The following SLC9C1 variants were observed in gnomAD, a reference collection of about 807,000 sequenced individuals.
The protein encoded by SLC9C1 is solute carrier family 9 member C1.
A neutral mutation model predicts 140.9 loss-of-function variants in SLC9C1; 97 were observed. The ratio of observed to expected loss-of-function variants is 0.69; its 90% CI spans 0.58 to 0.82. SLC9C1 has a LOEUF of 0.82. Ranked by LOEUF, SLC9C1 falls within the 40% of genes least tolerant of loss-of-function variation. The pLI, the probability that SLC9C1 is intolerant of heterozygous loss-of-function variation, is 0.00. For missense variants in SLC9C1, 1,340 were observed against 1,389.3 expected, an observed-to-expected ratio of 0.96 and a Z score of 0.56; for synonymous variants, 440 against 442.6, an observed-to-expected ratio of 0.99 and a Z score of 0.07.
At chr3:112,163,736 A>C (rs2075377474) in intron 26 of SLC9C1, among the ~76,000 whole-genome samples, 4 of 152,086 alleles carry the variant, frequency 2.6e-5, no homozygotes, top group South Asian at 4.1e-4. Flanking sequence ...TGCTGAAAAA[A>C]ATGTATATTC....
chr3:112,229,465 A>G (rs1560096950), intron 13 of SLC9C1, among the ~76,000 whole-genome samples: 1 of 152,104 alleles, frequency 6.6e-6, no homozygotes, highest in East Asian at 1.9e-4. Context: ...ATTATATGTC[A>G]ATTAAAACAA....
At chr3:112,230,076 T>C (rs2078781180) in intron 13 of SLC9C1, among the ~76,000 whole-genome samples, 1 of 152,176 alleles carries the variant, frequency 6.6e-6, no homozygotes, top group African/African-American at 2.4e-5. Flanking sequence ...AAAGAAGCCA[T>C]GGTTGGCTGT....
At chr3:112,166,220 G>C (rs1338257951) in intron 26 of SLC9C1, among the ~76,000 whole-genome samples, 2 of 152,222 alleles carry the variant, frequency 1.3e-5, no homozygotes, top group East Asian at 3.9e-4. Flanking sequence ...GTGCTTCCCA[G>C]GTGAGGCAAT....
chr3:112,266,207 G>T, intron 8 of SLC9C1, 31 bp downstream of exon 8: 1 of 1,439,612 alleles, frequency 6.9e-7, no homozygotes, highest in Non-Finnish European at 9.7e-7. Flanking sequence ...TCCAGTGTAT[G>T]AAATAAAGTC....
intron 26 of SLC9C1, among the ~76,000 whole-genome samples, chr3:112,156,827 T>A (rs915091236): frequency 2.0e-5 from 3 of 152,160 alleles, no homozygotes; most frequent in Non-Finnish European, 4.4e-5. Context: ...CATGTCTTCT[T>A]TTGATAAATG....
intron 13 of SLC9C1, among the ~76,000 whole-genome samples, chr3:112,226,853 G>T (rs1424656728): frequency 6.6e-6 from 1 of 151,908 alleles, no homozygotes; most frequent in Non-Finnish European, 1.5e-5. Flanking sequence ...ACTAAAATAA[G>T]TGAAATTGAC....
intron 7 of SLC9C1, among the ~76,000 whole-genome samples, chr3:112,267,925 T>C (rs964429496): frequency 5.3e-5 from 8 of 152,254 alleles, no homozygotes; most frequent in African/African-American, 1.9e-4. Context: ...TTGAAGGTAC[T>C]AATAATATAA....
intron 26 of SLC9C1, among the ~76,000 whole-genome samples, chr3:112,159,908 A>C (rs1356776152): frequency 6.6e-6 from 1 of 151,904 alleles, no homozygotes; most frequent in East Asian, 1.9e-4. Flanking sequence ...TTCTGTTTGC[A>C]TGGAATATTT....
intron 15 of SLC9C1, among the ~76,000 whole-genome samples, chr3:112,216,235 C>T (rs1466022385): frequency 6.6e-6 from 1 of 152,126 alleles, no homozygotes; most frequent in East Asian, 1.9e-4. Context: ...AAATGTTAGA[C>T]CTAAAACCAT....
Position 112,151,890 on chromosome 3 carries a change from T to C in SLC9C1, c.3491A>G (p.Lys1164Arg). The change falls in exon 28 of 29, where the codon AAG (lysine) becomes AGG (arginine). Residue 1164 changes from lysine to arginine, a missense_variant. By Grantham distance (26) the Lys-to-Arg change is conservative. Coordinates refer to ENST00000305815, the MANE Select transcript of SLC9C1 (RefSeq NM_183061.3). ...CSLLGTKFNC[K>R]ESPRINLRKV... ...CCTTAGGTTTATTCTAGGGGACTCC[T>C]TACAGTTGAACTTTGTCCCCAGCAG... The C allele has an allele frequency of 6.2e-7, 1 of 1,611,516 alleles. No individual in the cohort carries two copies. Among genetic ancestry groups the C allele is most frequent in the Non-Finnish European group, 8.5e-7 (1 of 1,179,288 alleles).
rs1053205434 is a variant in SLC9C1 at position 112,158,019 on chromosome 3, G to T, written c.3365-2970C>A. On this transcript the variant is annotated intron_variant, in intron 26 of 28. Coordinates refer to ENST00000305815, the MANE Select transcript of SLC9C1 (RefSeq NM_183061.3). The stretch of plus-strand genomic sequence containing the variant: ...TTGGATGCCTTTATTTTTTTCCCTC[G>T]CCTAATTGCTCTGGCTTGGACCACA... Among the ~76,000 whole-genome samples, 3 of 151,472 alleles carry T rather than the reference G, an allele frequency of 2.0e-5. No individual in the cohort carries two copies. In the East Asian group the frequency reaches 5.8e-4, roughly 29 times the overall value.
intron 20 of SLC9C1, among the ~76,000 whole-genome samples, chr3:112,192,075 T>C (rs1352565126): frequency 2.0e-5 from 3 of 151,858 alleles, no homozygotes; most frequent in Non-Finnish European, 2.9e-5. Context: ...TTTTTTTTTT[T>C]ACTGTGGTAA....
intron 2 of SLC9C1, among the ~76,000 whole-genome samples, chr3:112,284,145 T>C (rs1458764468): frequency 1.3e-5 from 2 of 152,220 alleles, no homozygotes; most frequent in Non-Finnish European, 2.9e-5. Flanking sequence ...CAAAGATAGG[T>C]TGAGACCCAG....
intron 27 of SLC9C1, among the ~76,000 whole-genome samples, chr3:112,154,028 A>G (rs371349138): frequency 2.0e-5 from 3 of 152,192 alleles, no homozygotes; most frequent in South Asian, 2.1e-4. Flanking sequence ...TCAACTTATC[A>G]CAGAACTTAT....
In SLC9C1 at chr3:112,217,551, G is replaced by C. The variant is rs1271600394; in HGVS notation, c.1681C>G (p.Leu561Val). Residue 561 changes from leucine to valine, a missense_variant, in exon 15 of 29, where the codon CTT becomes GTT. Transcript: ENST00000305815. ...TCAGAATAATTCTTTATTGTATCAA[G>C]ACTCATACATCTAGAAAAAGAGAGA... ...FGEKKGKCMS[L>V]DTIKNYSESQ... The C allele has an allele frequency of 4.4e-6, 7 of 1,586,484 alleles. No individual in the cohort carries two copies. The highest frequency in any genetic ancestry group is 5.1e-6 in the Non-Finnish European group (6 of 1,169,398).
At chr3:112,258,843 A>C (rs941563286) in intron 10 of SLC9C1, among the ~76,000 whole-genome samples, 1 of 152,160 alleles carries the variant, frequency 6.6e-6, no homozygotes, top group Non-Finnish European at 1.5e-5. Context: ...GGGAGGACTC[A>C]GGAAACTTAC....
intron 26 of SLC9C1, among the ~76,000 whole-genome samples, chr3:112,161,426 C>T (rs554679742): frequency 4.6e-5 from 7 of 152,264 alleles, no homozygotes; most frequent in African/African-American, 1.7e-4. Context: ...AGTCTTTAAT[C>T]CATTGTGAAT....
At chr3:112,182,399 T>C (rs2077455459) in intron 20 of SLC9C1, 141 bp from the exon 21 acceptor site, 1 of 879,990 alleles carries the variant, frequency 1.1e-6, no homozygotes, top group Non-Finnish European at 1.6e-6. Context: ...CCTCTCTTTA[T>C]ATCATGATTC....
chr3:112,243,192 T>C (rs2079183927), intron 11 of SLC9C1, among the ~76,000 whole-genome samples: 1 of 152,144 alleles, frequency 6.6e-6, no homozygotes, highest in African/African-American at 2.4e-5. Context: ...TATATCATTC[T>C]ACAAAAAAGA....
Sources: allele counts gnomAD v4.1 joint callset (sites outside exome capture counted in the v4.1 genomes callset), GRCh38; gene constraint gnomAD v4.1.1; transcripts MANE v1.5; gene names NCBI Gene and HGNC (gene_info 2026-07-23, HGNC 2026-07-21).